MAML3: variants seen among roughly 807,000 people sequenced by gnomAD.
MAML3 encodes mastermind like transcriptional coactivator 3.
MAML3 carries 27 observed loss-of-function variants against 101.9 expected under a neutral mutation model. The ratio of observed to expected loss-of-function variants is 0.27; its 90% CI spans 0.20 to 0.37. MAML3 has a LOEUF of 0.37. Among genes scored for constraint, MAML3 ranks in the 10% least tolerant of loss-of-function variants. MAML3 has a pLI of 1.00. For missense variants in MAML3, 1,316 were observed against 1,444.9 expected (o/e 0.91, Z 1.45); for synonymous variants, 501 against 555.9 (o/e 0.90, Z 1.39).
chr4:139,807,670 C>A (rs117945474), intron 2 of MAML3, among the ~76,000 whole-genome samples: 1 of 152,198 alleles, frequency 6.6e-6, no homozygotes, highest in African/African-American at 2.4e-5. Flanking sequence ...TGCTTTTACA[C>A]GTGAGCTACA....
At chr4:139,864,600 T>C (rs867947558) in intron 2 of MAML3, among the ~76,000 whole-genome samples, 1 of 127,734 alleles carries the variant, frequency 7.8e-6, no homozygotes. Context: ...TGCTTGAACC[T>C]GGGAGGCGGA....
chr4:140,036,752 T>C (rs1726992288), intron 1 of MAML3, among the ~76,000 whole-genome samples: 1 of 152,202 alleles, frequency 6.6e-6, no homozygotes, highest in South Asian at 2.1e-4. Flanking sequence ...AAGAATAATT[T>C]ACTGGAAAAT....
In MAML3 at chr4:139,890,168, T is replaced by C. The variant is rs1410120184; in HGVS notation, c.1268A>G (p.Gln423Arg). 1.2e-6 allele frequency: 2 copies of C among 1,613,438 alleles called. No homozygotes were observed. The highest frequency in any genetic ancestry group is 3.3e-5 in the Admixed American group (2 of 60,014). The change falls in exon 2 of 5, where the codon CAA becomes CGA. Residue 423 changes from glutamine to arginine, a missense_variant. By Grantham distance (43) the Gln-to-Arg change is conservative. Transcript: ENST00000509479. The surrounding 1 kb of genome is among the most constrained non-coding windows in gnomAD (Gnocchi z 4.1). Reference sequence around the variant, plus strand: ...TGGAGCTTGGCCTGGAGTGTGGGCTTGGTTTGGAGTTTGAGGGGACTGGAC... The same window carrying C: ...TGGAGCTTGGCCTGGAGTGTGGGCTCGGTTTGGAGTTTGAGGGGACTGGAC... ...CAVQSPQTPN[Q>R]AHTPGQAPPR... is the part of the protein sequence containing the mutation.
intron 2 of MAML3, among the ~76,000 whole-genome samples, chr4:139,830,769 T>C (rs1350273471): frequency 6.6e-6 from 1 of 152,100 alleles, no homozygotes; most frequent in African/African-American, 2.4e-5. Flanking sequence ...ATCCTATTAT[T>C]TCTCCTTTCC....
At chr4:140,046,979 G>C (rs1220039496) in intron 1 of MAML3, among the ~76,000 whole-genome samples, 1 of 152,096 alleles carries the variant, frequency 6.6e-6, no homozygotes, top group Non-Finnish European at 1.5e-5. Flanking sequence ...ACTCTAAGTA[G>C]AAGGTGGAAA....
chr4:139,789,001 G>A (rs1409058406), intron 2 of MAML3, among the ~76,000 whole-genome samples: 2 of 152,160 alleles, frequency 1.3e-5, no homozygotes, highest in Non-Finnish European at 2.9e-5. Context: ...ATTTGCAGCT[G>A]TATTTAATTT....
intron 1 of MAML3, among the ~76,000 whole-genome samples, chr4:140,018,870 T>C (rs1726689311): frequency 6.6e-6 from 1 of 151,876 alleles, no homozygotes; most frequent in Admixed American, 6.6e-5. Flanking sequence ...TAATTATAAT[T>C]AACACAGAGC....
chr4:140,091,537 C>CAAAACAAAAA (rs1728048886), intron 1 of MAML3, among the ~76,000 whole-genome samples: 1 of 71,600 alleles, frequency 1.4e-5, no homozygotes, highest in Non-Finnish European at 2.7e-5. Flanking sequence ...AACAACAAAA[C>CAAAACAAAAA]AAAAACAAAA....
chr4:139,984,460 G>T (rs996946051), intron 1 of MAML3, among the ~76,000 whole-genome samples: 1 of 152,082 alleles, frequency 6.6e-6, no homozygotes, highest in East Asian at 1.9e-4. Context: ...GTATGAAAAA[G>T]TCAACATACC....
At chr4:140,015,005 A>C (rs1269859100) in intron 1 of MAML3, among the ~76,000 whole-genome samples, 1 of 152,240 alleles carries the variant, frequency 6.6e-6, no homozygotes, top group Non-Finnish European at 1.5e-5. Flanking sequence ...AAATTCAAAA[A>C]TTCAAAAAAT....
intron 1 of MAML3, among the ~76,000 whole-genome samples, chr4:139,962,156 G>A (rs965802791): frequency 4.0e-5 from 6 of 151,890 alleles, no homozygotes; most frequent in Non-Finnish European, 7.4e-5. Flanking sequence ...CACTTTAGAG[G>A]GTTATGGCTT....
At chr4:139,905,535 C>T (rs56022021) in intron 1 of MAML3, among the ~76,000 whole-genome samples, 4,245 of 140,464 alleles carry the variant, frequency 0.03, 91 homozygotes, top group Non-Finnish European at 0.043. Context: ...TAGCTGGTTA[C>T]AAAAGGTAAA....
At chr4:139,922,132 G>A (rs1371063452) in intron 1 of MAML3, among the ~76,000 whole-genome samples, 1 of 152,090 alleles carries the variant, frequency 6.6e-6, no homozygotes, top group Admixed American at 6.5e-5. Context: ...AGGGCTTTAA[G>A]CCAGCCTGTT....
At chr4:139,892,970 A>G (rs1732534554) in intron 1 of MAML3, among the ~76,000 whole-genome samples, 1 of 149,456 alleles carries the variant, frequency 6.7e-6, no homozygotes, top group Admixed American at 6.6e-5. Context: ...GACTCTTGCC[A>G]AAAACCACCT....
At chr4:139,787,647 G>A (rs1730330460) in intron 2 of MAML3, among the ~76,000 whole-genome samples, 1 of 152,086 alleles carries the variant, frequency 6.6e-6, no homozygotes, top group Non-Finnish European at 1.5e-5. Context: ...TTAACCCCAA[G>A]CATCCTATTG....
intron 1 of MAML3, among the ~76,000 whole-genome samples, chr4:139,977,130 T>C (rs1281952816): frequency 1.3e-5 from 2 of 152,152 alleles, no homozygotes. Flanking sequence ...GCACCATCTA[T>C]GAACCAGGAA....
intron 1 of MAML3, among the ~76,000 whole-genome samples, chr4:140,028,425 T>A (rs1485773600): frequency 6.6e-6 from 1 of 152,120 alleles, no homozygotes; most frequent in African/African-American, 2.4e-5. Flanking sequence ...GTCTGTCTGT[T>A]TCTCTCTCTC....
intron 1 of MAML3, among the ~76,000 whole-genome samples, chr4:140,120,806 G>A (rs9790698): frequency 0.99 from 150,607 of 152,302 alleles, 74,492 homozygotes; most frequent in East Asian, 1. Context: ...TTGTTCCCAG[G>A]GCTAAAGCAC....
intron 1 of MAML3, among the ~76,000 whole-genome samples, chr4:139,893,572 T>C (rs1203858650): frequency 6.6e-6 from 1 of 152,206 alleles, no homozygotes; most frequent in Non-Finnish European, 1.5e-5. Flanking sequence ...TGAATCATTC[T>C]ATTGTCTAAT....
Sources: gnomAD v4.1 joint callset for allele counts (sites outside exome capture counted in the v4.1 genomes callset) on GRCh38, gnomAD v4.1.1 for gene constraint, Gnocchi (gnomAD v3.1) non-coding constraint, MANE v1.5 for transcripts, NCBI Gene and HGNC (gene_info 2026-07-23, HGNC 2026-07-21) for gene names.